Variants in RASEF observed in about 807,000 individuals in gnomAD.
RASEF encodes ras and EF-hand domain-containing protein.
RASEF carries 68 observed loss-of-function variants against 90.1 expected under a neutral mutation model. That is an observed-to-expected ratio of 0.75 (90% confidence interval 0.62 to 0.92). RASEF has a LOEUF of 0.92. Among genes scored for constraint, RASEF ranks in the 40% least tolerant of loss-of-function variants. The pLI is 0.00. For missense variants in RASEF, 949 were observed against 937.2 expected, an observed-to-expected ratio of 1.01 and a Z score of -0.16; for synonymous variants, 331 against 345.2, an observed-to-expected ratio of 0.96 and a Z score of 0.46.
At chr9:83,202,905 T>C in the RASEF span, among the ~76,000 whole-genome samples, 3 of 152,312 alleles carry the variant, frequency 2.0e-5, no homozygotes, top group East Asian at 3.9e-4. Context: ...CAAAACGTCA[T>C]GTTGTACACC....
chr9:83,167,887 C>T, the RASEF span, among the ~76,000 whole-genome samples: 34 of 152,040 alleles, frequency 2.2e-4, no homozygotes, highest in African/African-American at 8.0e-4. Context: ...AGTCATATAC[C>T]ACATTTTATT....
chr9:82,990,973 A>G (rs1417406276), intron 15 of RASEF, among the ~76,000 whole-genome samples: 1 of 152,146 alleles, frequency 6.6e-6, no homozygotes, highest in African/African-American at 2.4e-5. Flanking sequence ...AGTGCATATG[A>G]TATCATGTCA....
intron 9 of RASEF, 122 bp downstream of exon 9, chr9:83,004,376 A>T: frequency 1.7e-6 from 1 of 590,970 alleles, no homozygotes; most frequent in Non-Finnish European, 3.0e-6. Flanking sequence ...TTTTAACATC[A>T]TAGAAAATAT....
intron 1 of RASEF, among the ~76,000 whole-genome samples, chr9:83,041,283 G>A (rs1192963679): frequency 6.6e-6 from 1 of 152,104 alleles, no homozygotes; most frequent in Non-Finnish European, 1.5e-5. Flanking sequence ...TTATATATGT[G>A]ATATTATTTG....
chr9:83,132,756 C>G, the RASEF span, among the ~76,000 whole-genome samples: 51 of 152,290 alleles, frequency 3.3e-4, no homozygotes, highest in Middle Eastern at 3.4e-3. Context: ...CAAGGGATAA[C>G]TTTGGAAAAT....
the RASEF span, among the ~76,000 whole-genome samples, chr9:83,154,658 G>A: frequency 3.3e-5 from 5 of 152,090 alleles, no homozygotes; most frequent in Non-Finnish European, 7.4e-5. Context: ...CTCTACCTAG[G>A]TTGGCCATCT....
chr9:83,194,403 G>A, the RASEF span, among the ~76,000 whole-genome samples: 1 of 152,124 alleles, frequency 6.6e-6, no homozygotes, highest in African/African-American at 2.4e-5. Context: ...GGTGTGGGAG[G>A]GAGAACACTA....
At chr9:83,212,768 G>A in the RASEF span, among the ~76,000 whole-genome samples, 1 of 152,232 alleles carries the variant, frequency 6.6e-6, no homozygotes, top group Non-Finnish European at 1.5e-5. Flanking sequence ...GGACTGCTTA[G>A]TGGGCTGTAA....
chr9:83,136,396 T>C, the RASEF span, among the ~76,000 whole-genome samples: 1 of 152,120 alleles, frequency 6.6e-6, no homozygotes, highest in Admixed American at 6.6e-5. Flanking sequence ...GAAATAGATA[T>C]TGAATATGCA....
At chr9:83,008,844 C>T (rs990454122) in intron 6 of RASEF, among the ~76,000 whole-genome samples, 3 of 132,720 alleles carry the variant, frequency 2.3e-5, no homozygotes, top group African/African-American at 8.4e-5. Context: ...GTTGTTAAAC[C>T]CTATAATCTT....
chr9:83,058,638 T>A (rs1381784200), intron 1 of RASEF, among the ~76,000 whole-genome samples: 2 of 152,178 alleles, frequency 1.3e-5, no homozygotes, highest in Non-Finnish European at 2.9e-5. Flanking sequence ...GAAAGGGAAA[T>A]GGAGAAGCAA....
chr9:83,032,072 T>G (rs1393563), intron 1 of RASEF, among the ~76,000 whole-genome samples: 91,286 of 151,904 alleles, frequency 0.6, 28,080 homozygotes, highest in East Asian at 0.78. Flanking sequence ...TCTGTGCCTC[T>G]CCTGGGCAGC....
chr9:83,177,828 T>G, the RASEF span, among the ~76,000 whole-genome samples: 13 of 152,104 alleles, frequency 8.5e-5, no homozygotes, highest in African/African-American at 3.1e-4. Context: ...CTAGCCATTA[T>G]TTCTTCTAAT....
chr9:83,059,194 G>A (rs1406800209), intron 1 of RASEF, among the ~76,000 whole-genome samples: 1 of 151,498 alleles, frequency 6.6e-6, no homozygotes, highest in Non-Finnish European at 1.5e-5. Context: ...AGAAAAAACT[G>A]AAAAGTTTCA....
the RASEF span, among the ~76,000 whole-genome samples, chr9:83,123,895 C>T: frequency 1.3e-5 from 2 of 152,260 alleles, no homozygotes; most frequent in East Asian, 3.8e-4. Flanking sequence ...GCAGCTATCA[C>T]CACCATCCAT....
chr9:83,184,683 T>C, the RASEF span, among the ~76,000 whole-genome samples: 5 of 152,196 alleles, frequency 3.3e-5, no homozygotes, highest in African/African-American at 1.2e-4. Flanking sequence ...CCCACCCCGA[T>C]CTACACCTTG....
the RASEF span, among the ~76,000 whole-genome samples, chr9:83,123,237 CAAA>C: frequency 3.6e-5 from 3 of 83,416 alleles, no homozygotes; most frequent in Admixed American, 1.3e-4. Flanking sequence ...GAGACTCCAT[CAAA>C]AAAAAAAAAA....
chr9:83,195,102 G>A, the RASEF span, among the ~76,000 whole-genome samples: 2 of 152,128 alleles, frequency 1.3e-5, no homozygotes, highest in Admixed American at 6.6e-5. Flanking sequence ...CATGCCCTTG[G>A]GCTGCCCGCA....
At chr9:82,988,691 G>A (rs192379541) in intron 16 of RASEF, among the ~76,000 whole-genome samples, 70 of 152,052 alleles carry the variant, frequency 4.6e-4, no homozygotes, top group African/African-American at 1.4e-3. Context: ...TTGCTCCCTC[G>A]TCATGTGACA....
Sources: allele counts gnomAD v4.1 joint callset (sites outside exome capture counted in the v4.1 genomes callset), GRCh38; gene constraint gnomAD v4.1.1; transcripts MANE v1.5; gene names NCBI Gene and HGNC (gene_info 2026-07-23, HGNC 2026-07-21).